The following ANKRD13C variants were observed in gnomAD, a reference collection of about 807,000 sequenced individuals.
The protein encoded by ANKRD13C is ankyrin repeat domain-containing protein 13C.
In ANKRD13C, 16 loss-of-function variants were observed where a neutral mutation model predicts 65.5. The ratio of observed to expected loss-of-function variants is 0.24; its 90% CI spans 0.17 to 0.37. The LOEUF (loss-of-function observed/expected upper bound fraction) is 0.37. Among genes scored for constraint, ANKRD13C ranks in the 10% least tolerant of loss-of-function variants. ANKRD13C has a pLI of 1.00. For missense variants in ANKRD13C, 503 were observed against 655.9 expected (o/e 0.77, Z 2.55); for synonymous variants, 235 against 238.7 (o/e 0.98, Z 0.14).
rs11209607 is a variant in ANKRD13C at position 70,314,171 on chromosome 1, T to C, written c.664-381A>G. The stretch of plus-strand genomic sequence containing the variant: ...AAAATATTTTTCTGTAAAGGGATAA[T>C]ACAAGTTTATTAAATCTGAAACATG... On this transcript the variant is annotated intron_variant, in intron 4 of 12. Coordinates refer to ENST00000370944, the MANE Select transcript of ANKRD13C (RefSeq NM_030816.5). Among the ~76,000 whole-genome samples, 794 of 152,030 alleles carry C rather than the reference T, an allele frequency of 5.2e-3. 5 individuals carry two copies. Among genetic ancestry groups the C allele is most frequent in the African/African-American group, 0.018 (734 of 41,504 alleles).
At position 70,276,788 on chromosome 1, in the gene ANKRD13C, T is replaced by C; in HGVS notation, c.1272A>G (p.Glu424=). Residue 424 remains glutamate (E), a synonymous_variant, in exon 10 of 13, where the codon GAA becomes GAG. Transcript: ENST00000370944. ...PPPQNTITWE[E]YISAENGKAP... is the part of the protein sequence containing the mutation. ...ACTTTCCATTTTCAGCAGATATATA[T>C]TCTTCCCATGTAATAGTGTTCTGAG... 6.2e-7 allele frequency: 1 copy of C among 1,603,016 alleles called. No individual in the cohort carries two copies. The highest frequency in any genetic ancestry group is 8.5e-7 in the Non-Finnish European group (1 of 1,177,184).
intron 5 of ANKRD13C, among the ~76,000 whole-genome samples, chr1:70,309,267 T>A (rs533933747): frequency 1.3e-5 from 2 of 151,750 alleles, no homozygotes; most frequent in East Asian, 3.9e-4. Flanking sequence ...AGAGATGGGT[T>A]TTCACCATGT....
At chr1:70,322,876 C>T (rs911883294) in intron 3 of ANKRD13C, among the ~76,000 whole-genome samples, 8 of 152,094 alleles carry the variant, frequency 5.3e-5, no homozygotes, top group African/African-American at 9.7e-5. Context: ...CCTGTAATCC[C>T]AGCTACTTGG....
In ANKRD13C at chr1:70,300,728, T is replaced by G. The variant is rs747528143; in HGVS notation, c.921+36A>C. ...CTAAAAACCTATACTTTTTTTTTAA[T>G]GATTTAAAGGAATATTGATAAGACA... is the stretch of plus-strand genomic sequence containing the variant. On this transcript the variant is annotated intron_variant, in intron 7 of 12. Transcript: ENST00000370944. 8 of 1,501,678 alleles carry G rather than the reference T, an allele frequency of 5.3e-6. No individual in the cohort carries two copies. In the African/African-American group the frequency reaches 1.1e-4, roughly 21 times the overall value. The allele number at this position is 1,501,678 out of a possible 1,614,324, so 93.0% of individuals were successfully genotyped here.
intron 5 of ANKRD13C, among the ~76,000 whole-genome samples, chr1:70,307,891 G>A (rs1185890494): frequency 6.6e-6 from 1 of 152,148 alleles, no homozygotes; most frequent in East Asian, 1.9e-4. Flanking sequence ...GAAGGCTGAA[G>A]TGGGCTATGA....
intron 2 of ANKRD13C, among the ~76,000 whole-genome samples, chr1:70,332,530 G>C (rs1207763665): frequency 1.3e-5 from 2 of 151,938 alleles, no homozygotes; most frequent in Non-Finnish European, 2.9e-5. Context: ...GCTGTGGTAT[G>C]ATCTCGGCTC....
intron 1 of ANKRD13C, among the ~76,000 whole-genome samples, chr1:70,345,353 C>T (rs2101625909): frequency 6.6e-6 from 1 of 151,854 alleles, no homozygotes; most frequent in Non-Finnish European, 1.5e-5. Flanking sequence ...CGCTTGAACC[C>T]AGGAGGCAGA....
chr1:70,289,817 C>G (rs1235919014), intron 9 of ANKRD13C, among the ~76,000 whole-genome samples: 1 of 152,054 alleles, frequency 6.6e-6, no homozygotes, highest in African/African-American at 2.4e-5. Context: ...TAACCACCAA[C>G]ACAACAAAAT....
intron 9 of ANKRD13C, among the ~76,000 whole-genome samples, chr1:70,283,561 A>T (rs1679489701): frequency 6.6e-6 from 1 of 152,100 alleles, no homozygotes; most frequent in African/African-American, 2.4e-5. Flanking sequence ...TCACACCTGT[A>T]ATCCCAGCAC....
intron 1 of ANKRD13C, among the ~76,000 whole-genome samples, chr1:70,336,770 G>A (rs1682056190): frequency 6.6e-6 from 1 of 151,968 alleles, no homozygotes; most frequent in South Asian, 2.1e-4. Flanking sequence ...ATTATTAGTG[G>A]GGGTGAAGAA....
intron 9 of ANKRD13C, among the ~76,000 whole-genome samples, chr1:70,288,646 G>GAATTTGAATTTGAATTTGAATAGTACTTA (rs1679726523): frequency 1.3e-5 from 2 of 152,208 alleles, no homozygotes; most frequent in South Asian, 4.1e-4. Context: ...AAAAGGCTAA[G>GAATTTGAATTTGAATTTGAATAGTACTTA]TACTATATGA....
At chr1:70,269,784 C>T (rs1429497241) in intron 12 of ANKRD13C, among the ~76,000 whole-genome samples, 1 of 149,654 alleles carries the variant, frequency 6.7e-6, no homozygotes, top group Non-Finnish European at 1.5e-5. Context: ...TCCAAGTGTG[C>T]AAAATTGTGA....
At chr1:70,305,546 T>C (rs1024093727) in intron 6 of ANKRD13C, 1 of 152,042 alleles carries the variant, frequency 6.6e-6, no homozygotes, top group African/African-American at 2.4e-5. Flanking sequence ...TATATGCACA[T>C]ATATACATAA....
chr1:70,276,540 G>A (rs150673685), intron 10 of ANKRD13C, among the ~76,000 whole-genome samples: 172 of 152,190 alleles, frequency 1.1e-3, no homozygotes, highest in African/African-American at 3.9e-3. Context: ...TTGACAGGAT[G>A]GATACAGAAA....
chr1:70,269,637 T>C (rs1232861293), intron 12 of ANKRD13C, among the ~76,000 whole-genome samples: 1 of 152,018 alleles, frequency 6.6e-6, no homozygotes, highest in East Asian at 1.9e-4. Context: ...ATCACTGATT[T>C]CTCCAAGTAG....
chr1:70,273,074 CA>C (rs1309530171), intron 11 of ANKRD13C, among the ~76,000 whole-genome samples: 1 of 151,846 alleles, frequency 6.6e-6, no homozygotes, highest in African/African-American at 2.4e-5. Flanking sequence ...CTAGATATGA[CA>C]AATTTTGGCA....
chr1:70,313,456 G>A (rs1456511465), intron 5 of ANKRD13C, among the ~76,000 whole-genome samples: 2 of 151,802 alleles, frequency 1.3e-5, no homozygotes, highest in African/African-American at 4.8e-5. Context: ...CCTGAGCCCA[G>A]GGGTTCGAGG....
intron 9 of ANKRD13C, among the ~76,000 whole-genome samples, chr1:70,287,785 T>C (rs756038660): frequency 1.5e-4 from 23 of 152,112 alleles, no homozygotes; most frequent in Non-Finnish European, 2.4e-4. Flanking sequence ...GGTAGGAGGA[T>C]CCCTTGAGCC....
At chr1:70,316,432 CA>C (rs772459917) in intron 3 of ANKRD13C, among the ~76,000 whole-genome samples, 6 of 151,804 alleles carry the variant, frequency 4.0e-5, no homozygotes, top group Non-Finnish European at 8.8e-5. Context: ...CCTGTAGTCC[CA>C]GCTACTCAGG....
Sources: allele counts gnomAD v4.1 joint callset (sites outside exome capture counted in the v4.1 genomes callset), GRCh38; gene constraint gnomAD v4.1.1; transcripts MANE v1.5; gene names NCBI Gene and HGNC (gene_info 2026-07-23, HGNC 2026-07-21).